ISOC2: variants seen among roughly 807,000 people sequenced by gnomAD.
ISOC2 encodes the protein isochorismatase domain-containing protein 2.
ISOC2 carries 15 observed loss-of-function variants against 19.3 expected under a neutral mutation model. The observed-to-expected ratio is 0.78, with a 90% CI of 0.52 to 1.20. The LOEUF is 1.20. ISOC2 is among the 50% of genes most tolerant of loss of function. The probability of loss-of-function intolerance (pLI) is 0.00; values close to 1 mark genes in which losing one functional copy is unlikely to be tolerated. For missense variants in ISOC2, 285 were observed against 272.4 expected (o/e 1.05, Z -0.33); for synonymous variants, 106 against 115.8 (o/e 0.92, Z 0.54).
intron 5 of ISOC2, chr19:55,453,988 T>A (rs559299723): frequency 5.9e-5 from 9 of 152,220 alleles, no homozygotes; most frequent in Non-Finnish European, 1.0e-4. Flanking sequence ...AATCCACTGG[T>A]CACACAGGGC....
At chr19:55,455,368 G>T in intron 3 of ISOC2, 38 bp from the exon 4 acceptor site, 1 of 1,612,422 alleles carries the variant, frequency 6.2e-7, no homozygotes, top group South Asian at 1.1e-5. Context: ...CCCCGGATAA[G>T]AACGGGGGTC....
chr19:55,454,794 C>T (rs1037982076), intron 5 of ISOC2, 195 bp downstream of exon 5: 84 of 580,628 alleles, frequency 1.4e-4, no homozygotes, highest in Middle Eastern at 7.9e-4. Context: ...TTTTATTGTT[C>T]TCTGTGGCCC....
At chr19:55,458,043 TGC>T (rs1986118136) in intron 1 of ISOC2, among the ~76,000 whole-genome samples, 1 of 140,054 alleles carries the variant, frequency 7.1e-6, no homozygotes, top group Non-Finnish European at 1.5e-5. Context: ...TTATGTTAAG[TGC>T]ATTTTACCAC....
intron 5 of ISOC2, chr19:55,453,856 A>G (rs1985954947): frequency 1.3e-5 from 2 of 152,200 alleles, no homozygotes; most frequent in African/African-American, 4.8e-5. Context: ...ATAAATAAAT[A>G]AATAAACAAC....
In ISOC2 at chr19:55,455,120, G is replaced by T; in HGVS notation, c.420-14C>A. ...CGGTCCACCTGGCTGTGAGTGGGAG[G>T]GAGGGAGGGAAGGTTGGTGTGGACG... On this transcript the variant is annotated splice_polypyrimidine_tract_variant and intron_variant, in intron 4 of 5. Coordinates refer to ENST00000425675, the MANE Select transcript of ISOC2 (RefSeq NM_001136201.2). 5 of 1,588,828 alleles carry T rather than the reference G, an allele frequency of 3.1e-6. No individual in the cohort carries two copies. Among genetic ancestry groups the T allele is most frequent in the Non-Finnish European group, 4.3e-6 (5 of 1,158,030 alleles).
intron 1 of ISOC2, among the ~76,000 whole-genome samples, chr19:55,459,072 C>T (rs113434093): frequency 6.6e-6 from 1 of 152,032 alleles, no homozygotes; most frequent in African/African-American, 2.4e-5. Context: ...GCTAGAGCTA[C>T]AGGTGTATGC....
chr19:55,453,179 G>GA lies in ISOC2; in HGVS notation c.*128_*129insT, dbSNP rs1715431540. 5.6e-6 allele frequency: 3 copies of GA among 539,530 alleles called. No individual in the cohort carries two copies. The highest frequency in any genetic ancestry group is 9.7e-6 in the Non-Finnish European group (3 of 309,318). 33.4% of individuals were successfully genotyped at this position (539,530 alleles called of 1,614,324 possible). ...CTGTCCAATGGGAAGGCAGCACCCTGCCCCCCCCACAAGGGGGCGGCACTC... is the reference window on the plus strand; with the variant it reads ...CTGTCCAATGGGAAGGCAGCACCCTGACCCCCCCCACAAGGGGGCGGCACTC... On this transcript the variant is annotated 3_prime_UTR_variant, in exon 6 of 6. Transcript: ENST00000425675.
chr19:55,460,728 G>T (rs551351208), intron 1 of ISOC2, among the ~76,000 whole-genome samples: 1 of 152,220 alleles, frequency 6.6e-6, no homozygotes, highest in Non-Finnish European at 1.5e-5. Flanking sequence ...CAAACCGTTC[G>T]ATTTTCTGCG....
intron 1 of ISOC2, 115 bp from the exon 2 acceptor site, chr19:55,456,604 C>T: frequency 7.6e-7 from 1 of 1,317,862 alleles, no homozygotes; most frequent in Non-Finnish European, 1.0e-6. Flanking sequence ...CCTTGCCAAC[C>T]TTCTTCCCAC....
Position 55,454,989 on chromosome 19 carries a change from C to T in ISOC2, c.537G>A (p.Glu179=), listed in dbSNP as rs773024199. The T allele has an allele frequency of 6.2e-6, 10 of 1,611,118 alleles. No individual in the cohort carries two copies. The highest frequency in any genetic ancestry group is 1.7e-5 in the Admixed American group (1 of 59,988). ...GTGGGGGCGGCCAGGCGGGCATTAC[C>T]TCCTTGAACTGGGGGTGGACGGCAT... ...VGDAVHPQFK[E]IQKLIKEPAP... The change falls in exon 5 of 6, where the codon GAG becomes GAA. Residue 179 remains glutamate (E), a splice_region_variant and synonymous_variant. Transcript: ENST00000425675.
In ISOC2 at chr19:55,453,061, C is replaced by T. The variant is rs1183645028; in HGVS notation, c.*247G>A. 1.1e-5 allele frequency: 5 copies of T among 464,754 alleles called. No individual in the cohort carries two copies. The highest frequency in any genetic ancestry group is 4.0e-5 in the African/African-American group (2 of 49,432). The allele number at this position is 464,754 out of a possible 1,614,324, so 28.8% of individuals were successfully genotyped here. ...TCTTCTTCCCCTCCCCTTCCCGCCC[C>T]GTGAAGTGGCCCGGGGCCGAGCCCC... On this transcript the variant is annotated 3_prime_UTR_variant, in exon 6 of 6. Coordinates refer to ENST00000425675, the MANE Select transcript of ISOC2 (RefSeq NM_001136201.2).
chr19:55,453,224 T>G lies in ISOC2; in HGVS notation c.*84A>C, dbSNP rs1244675104. ...GCACTCCTGGTGGATCGCACCACTCTTGGGATCCAGGGATGGGGGGAACGG... is the reference window on the plus strand; with the variant it reads ...GCACTCCTGGTGGATCGCACCACTCGTGGGATCCAGGGATGGGGGGAACGG... On this transcript the variant is annotated 3_prime_UTR_variant, in exon 6 of 6. Transcript: ENST00000425675. The G allele has an allele frequency of 3.0e-6, 3 of 998,646 alleles. No individual in the cohort carries two copies. Among genetic ancestry groups the G allele is most frequent in the Non-Finnish European group, 4.4e-6 (3 of 681,354 alleles). 61.9% of individuals were successfully genotyped at this position (998,646 alleles called of 1,614,324 possible).
At chr19:55,456,117 G>A (rs1986051712) in intron 2 of ISOC2, 3 of 587,176 alleles carry the variant, frequency 5.1e-6, no homozygotes, top group Middle Eastern at 4.5e-4. Flanking sequence ...GGGCCTGGAC[G>A]CCTGGGTCTG....
intron 3 of ISOC2, 53 bp from the exon 4 acceptor site, chr19:55,455,383 G>C (rs1986017042): frequency 6.2e-7 from 1 of 1,605,944 alleles, no homozygotes. Flanking sequence ...GGGGTCCTGG[G>C]TAAGGAATTG....
Position 55,453,521 on chromosome 19 carries a change from T to A in ISOC2, c.538-133A>T, listed in dbSNP as rs571685025. The A allele has an allele frequency of 2.1e-5, 12 of 574,114 alleles. No individual in the cohort carries two copies. In the African/African-American group the frequency reaches 2.1e-4, roughly 10 times the overall value. 35.6% of individuals were successfully genotyped at this position (574,114 alleles called of 1,614,324 possible). ...AGCAGCTGCCCAAGACAACACTCCC[T>A]CTTCTCAAGACTTTTCCTGGGGCCT... On this transcript the variant is annotated intron_variant, in intron 5 of 5. Coordinates refer to ENST00000425675, the MANE Select transcript of ISOC2 (RefSeq NM_001136201.2).
At chr19:55,460,310 T>C (rs558857023) in intron 1 of ISOC2, among the ~76,000 whole-genome samples, 3 of 152,178 alleles carry the variant, frequency 2.0e-5, no homozygotes, top group Non-Finnish European at 4.4e-5. Context: ...CTCCTTTTTG[T>C]GCCAAAGAAA....
intron 1 of ISOC2, among the ~76,000 whole-genome samples, chr19:55,459,498 C>A (rs893022632): frequency 6.6e-6 from 1 of 152,070 alleles, no homozygotes; most frequent in Admixed American, 6.6e-5. Flanking sequence ...GAGAAACTGA[C>A]GACAGAAAAA....
chr19:55,456,548 C>T, intron 1 of ISOC2, 59 bp from the exon 2 acceptor site: 1 of 1,591,526 alleles, frequency 6.3e-7, no homozygotes, highest in Non-Finnish European at 8.6e-7. Context: ...GTGTCTCCAG[C>T]TGGCGTCCAG....
Position 55,455,840 on chromosome 19 carries a change from G to A in ISOC2, c.144C>T (p.Ala48=), listed in dbSNP as rs755523685. The stretch of plus-strand genomic sequence containing the variant: ...GCATGACTGGCACCTCAAGCAGCCG[G>A]GCCACCTGTGCCAGTGATGGGGAAG... ...VSVAARMLKV[A]RLLEVPVMLT... Residue 48 remains alanine, a synonymous_variant, in exon 3 of 6, where the codon GCC becomes GCT. Transcript: ENST00000425675. 6.5e-7 allele frequency: 1 copy of A among 1,540,718 alleles called. No individual in the cohort carries two copies. The highest frequency in any genetic ancestry group is 1.4e-5 in the African/African-American group (1 of 72,920).
Sources: gnomAD v4.1 joint callset for allele counts (sites outside exome capture counted in the v4.1 genomes callset) on GRCh38, gnomAD v4.1.1 for gene constraint, MANE v1.5 for transcripts, NCBI Gene and HGNC (gene_info 2026-07-23, HGNC 2026-07-21) for gene names.